Variants in EVI5 observed in about 807,000 individuals in gnomAD.
EVI5 encodes ecotropic viral integration site 5.
A neutral mutation model predicts 112.0 loss-of-function variants in EVI5; 73 were observed. That is an observed-to-expected ratio of 0.65 (90% CI 0.54 to 0.79). EVI5 has a LOEUF of 0.79. EVI5 is among the 30% of genes least tolerant of loss of function. The pLI is 0.00. For synonymous variants in EVI5, 305 were observed against 319.9 expected, an observed-to-expected ratio of 0.95 and a Z score of 0.50; for missense variants, 900 against 968.8, an observed-to-expected ratio of 0.93 and a Z score of 0.94.
At chr1:92,737,285 G>C (rs1408158465) in intron 1 of EVI5, among the ~76,000 whole-genome samples, 2 of 152,124 alleles carry the variant, frequency 1.3e-5, no homozygotes, top group African/African-American at 4.8e-5. Flanking sequence ...CTAATAGTTG[G>C]CTTATTCAGA....
intron 6 of EVI5, among the ~76,000 whole-genome samples, chr1:92,697,014 T>C (rs1670437936): frequency 6.6e-6 from 1 of 152,148 alleles, no homozygotes; most frequent in Admixed American, 6.5e-5. Context: ...CACTCCAGCC[T>C]GGGCCACAGA....
intron 13 of EVI5, among the ~76,000 whole-genome samples, chr1:92,651,985 C>G (rs1291111721): frequency 6.6e-6 from 1 of 152,114 alleles, no homozygotes; most frequent in African/African-American, 2.4e-5. Flanking sequence ...TCCAGCAACT[C>G]TACTTCTAGG....
At chr1:92,765,742 C>A (rs1457837539) in intron 1 of EVI5, among the ~76,000 whole-genome samples, 1 of 151,986 alleles carries the variant, frequency 6.6e-6, no homozygotes, top group Non-Finnish European at 1.5e-5. Context: ...TGCTGTATTA[C>A]CAAATTACTG....
At chr1:92,587,387 GCAAA>G (rs1557845146) in intron 18 of EVI5, among the ~76,000 whole-genome samples, 1 of 35,824 alleles carries the variant, frequency 2.8e-5, no homozygotes, top group Non-Finnish European at 5.2e-5. Context: ...TGCTTCAGGG[GCAAA>G]AAAAAAAAAA....
chr1:92,699,691 T>C (rs1380154089), intron 5 of EVI5, among the ~76,000 whole-genome samples: 2 of 152,192 alleles, frequency 1.3e-5, no homozygotes, highest in African/African-American at 4.8e-5. Flanking sequence ...ACCTGTATAG[T>C]ATGTTACTGT....
chr1:92,559,718 G>A (rs1571537153), intron 19 of EVI5, among the ~76,000 whole-genome samples: 1 of 127,584 alleles, frequency 7.8e-6, no homozygotes, highest in Non-Finnish European at 1.5e-5. Context: ...AGGTTGCAGT[G>A]AGCCAAGATC....
chr1:92,731,236 T>C (rs978695622), intron 2 of EVI5, among the ~76,000 whole-genome samples: 13 of 152,080 alleles, frequency 8.5e-5, no homozygotes, highest in Admixed American at 4.6e-4. Flanking sequence ...GGGAGAAGAA[T>C]TGCTTCAACT....
At chr1:92,552,014 C>A (rs1377031396) in intron 19 of EVI5, among the ~76,000 whole-genome samples, 1 of 150,362 alleles carries the variant, frequency 6.7e-6, no homozygotes, top group Non-Finnish European at 1.5e-5. Flanking sequence ...AGTTTTTTGG[C>A]TACATTTGAA....
intron 1 of EVI5, among the ~76,000 whole-genome samples, chr1:92,782,905 G>A (rs778712401): frequency 3.9e-5 from 6 of 151,958 alleles, no homozygotes; most frequent in Non-Finnish European, 7.4e-5. Context: ...CTGCAACTTC[G>A]ACCTCCCCGG....
At chr1:92,775,368 A>G (rs986784072) in intron 1 of EVI5, among the ~76,000 whole-genome samples, 2 of 151,896 alleles carry the variant, frequency 1.3e-5, no homozygotes, top group Non-Finnish European at 2.9e-5. Flanking sequence ...CAGAAGTTGC[A>G]GTGAGCTGAG....
intron 13 of EVI5, among the ~76,000 whole-genome samples, chr1:92,644,938 A>G (rs1406926264): frequency 2.0e-5 from 3 of 152,168 alleles, no homozygotes; most frequent in African/African-American, 7.2e-5. Context: ...AATATGTTCT[A>G]TCTTCATAAA....
rs1659039970 is a variant in EVI5 at position 92,509,223 on chromosome 1, T to C, written c.*4433A>G. ...GAGAATAAGGAACTAAATTATTTCTTACGATGTCAGAAATAATATACTTAA... is the reference window on the plus strand; with the variant it reads ...GAGAATAAGGAACTAAATTATTTCTCACGATGTCAGAAATAATATACTTAA... On this transcript the variant is annotated 3_prime_UTR_variant, in exon 20 of 20. Transcript: ENST00000684568. The C allele has an allele frequency of 6.6e-6, 1 of 152,618 alleles. No homozygotes were observed. Among genetic ancestry groups the C allele is most frequent in the African/African-American group, 2.4e-5 (1 of 41,434 alleles). 9.5% of individuals were successfully genotyped at this position (152,618 alleles called of 1,614,324 possible). A position where few individuals can be genotyped will look rare whatever the true frequency, so the allele number is the denominator to read the frequency against.
chr1:92,562,857 C>A (rs1668846589), intron 19 of EVI5, among the ~76,000 whole-genome samples: 1 of 152,132 alleles, frequency 6.6e-6, no homozygotes, highest in Non-Finnish European at 1.5e-5. Context: ...CAAAATTTCT[C>A]TTTCTTCTTC....
At position 92,559,387 on chromosome 1, in the gene EVI5, T is replaced by C. The variant is rs117883692; in HGVS notation, c.2166+4255A>G. ...CACTATACTCCAGCCACACTAGCAT[T>C]GTTTCTCAAAATAACCATTTCATTT... On this transcript the variant is annotated intron_variant, in intron 19 of 19. Transcript: ENST00000684568. Among the ~76,000 whole-genome samples the C allele has an allele frequency of 2.0e-4, 31 of 152,272 alleles. 2 individuals carry two copies. The East Asian group carries it at 6.0e-3, about 29-fold the overall frequency.
rs146820780 is a variant in EVI5 at position 92,691,291 on chromosome 1, T to C, written c.1097+2511A>G. ...TTTATGGACATGAATACTGATGTAT[T>C]AAAGAGTGAAGTGTCACAATTTCTG... is the stretch of plus-strand genomic sequence containing the variant. On this transcript the variant is annotated intron_variant, in intron 9 of 19. Coordinates refer to ENST00000684568, the MANE Select transcript of EVI5 (RefSeq NM_001350197.2). 4.6e-5 allele frequency among the ~76,000 whole-genome samples: 7 copies of C among 152,250 alleles called. No individual in the cohort carries two copies. The East Asian group carries it at 1.3e-3, about 29-fold the overall frequency.
intron 19 of EVI5, among the ~76,000 whole-genome samples, chr1:92,557,804 A>C (rs1667912581): frequency 6.6e-6 from 1 of 151,656 alleles, no homozygotes; most frequent in Non-Finnish European, 1.5e-5. Context: ...TGCTCACTGC[A>C]ACCTCTGGTT....
chr1:92,647,511 GC>G (rs1243922713), intron 13 of EVI5: 1 of 508,692 alleles, frequency 2.0e-6, no homozygotes, highest in African/African-American at 1.9e-5. Context: ...ACCTCTCAGA[GC>G]ACTTCTTGGA....
intron 2 of EVI5, among the ~76,000 whole-genome samples, chr1:92,717,965 T>C (rs1034076801): frequency 2.0e-5 from 3 of 151,868 alleles, no homozygotes; most frequent in Non-Finnish European, 4.4e-5. Context: ...CACTACATAA[T>C]GGTAAAGGGA....
At chr1:92,691,710 A>G (rs1010804420) in intron 9 of EVI5, among the ~76,000 whole-genome samples, 1 of 152,208 alleles carries the variant, frequency 6.6e-6, no homozygotes, top group African/African-American at 2.4e-5. Flanking sequence ...CCTGGAAGAG[A>G]TGGAAATGAG....
Sources: allele counts gnomAD v4.1 joint callset (sites outside exome capture counted in the v4.1 genomes callset), GRCh38; gene constraint gnomAD v4.1.1; transcripts MANE v1.5; gene names NCBI Gene and HGNC (gene_info 2026-07-23, HGNC 2026-07-21).